DSE: variants seen among roughly 807,000 people sequenced by gnomAD.
DSE encodes dermatan sulfate epimerase.
Under a neutral mutation model 84.4 loss-of-function variants are expected in DSE, and 36 were observed. That is an observed-to-expected ratio of 0.43 (90% CI 0.33 to 0.56). The LOEUF is 0.56. DSE is among the 20% of genes least tolerant of loss of function. DSE has a pLI of 0.06. For synonymous variants in DSE, 410 were observed against 430.1 expected, an observed-to-expected ratio of 0.95 and a Z score of 0.58; for missense variants, 862 against 1,169.6, an observed-to-expected ratio of 0.74 and a Z score of 3.84.
chr6:116,270,958 G>T (rs1200104647), intron 2 of DSE, among the ~76,000 whole-genome samples: 1 of 152,156 alleles, frequency 6.6e-6, no homozygotes, highest in Admixed American at 6.5e-5. Context: ...TACAAAATGA[G>T]AGCATATATG....
At chr6:116,366,861 A>G (rs528430376), upstream of DSE, 2 of 152,364 alleles carry the variant, frequency 1.3e-5, no homozygotes, top group Admixed American at 6.5e-5. Flanking sequence ...GGAGACACGT[A>G]TGGACGTGCC....
intron 2 of DSE, among the ~76,000 whole-genome samples, chr6:116,335,662 A>G (rs1282759192): frequency 6.6e-6 from 1 of 152,248 alleles, no homozygotes; most frequent in Non-Finnish European, 1.5e-5. Context: ...ATTCTATGAA[A>G]CAGAAGTAGT....
At chr6:116,420,663 C>T (rs540604842) in intron 2 of DSE, among the ~76,000 whole-genome samples, 1 of 152,286 alleles carries the variant, frequency 6.6e-6, no homozygotes, top group Non-Finnish European at 1.5e-5. Context: ...TGGGCTAAGA[C>T]AACAGTATAC....
At chr6:116,403,839 G>A (rs1781753221) in intron 2 of DSE, among the ~76,000 whole-genome samples, 1 of 152,150 alleles carries the variant, frequency 6.6e-6, no homozygotes, top group Non-Finnish European at 1.5e-5. Context: ...TGCAGTGTAC[G>A]TATGATGAAT....
Position 116,433,076 on chromosome 6 carries a change from G to T in DSE, c.911-267G>T. 6.8e-6 allele frequency: 3 copies of T among 441,832 alleles called. 1 individual carries two copies. In the South Asian group the frequency reaches 7.3e-5, roughly 11 times the overall value. The allele number at this position is 441,832 out of a possible 1,614,324, so 27.4% of individuals were successfully genotyped here. On this transcript the variant is annotated intron_variant, in intron 4 of 5. Transcript: ENST00000644252. ...GCATGAACATTGGAAAATGAGGAAG[G>T]CAGGGAATAGGTGTAGCACTAATGT...
intron 1 of DSE, among the ~76,000 whole-genome samples, chr6:116,392,625 G>T (rs1375746366): frequency 1.3e-5 from 2 of 152,174 alleles, no homozygotes; most frequent in Non-Finnish European, 2.9e-5. Flanking sequence ...ATACCCCCAA[G>T]GACATCTGTG....
intron 2 of DSE, among the ~76,000 whole-genome samples, chr6:116,329,265 G>C (rs998255617): frequency 6.6e-6 from 1 of 152,186 alleles, no homozygotes; most frequent in Non-Finnish European, 1.5e-5. Context: ...TCACTCTGCT[G>C]TAATTGTTTA....
At chr6:116,317,918 C>T (rs1204027552) in intron 2 of DSE, among the ~76,000 whole-genome samples, 1 of 152,156 alleles carries the variant, frequency 6.6e-6, no homozygotes, top group Non-Finnish European at 1.5e-5. Context: ...GAATAATTGT[C>T]ATTTACTATT....
chr6:116,343,740 T>C (rs539600109), intron 2 of DSE, among the ~76,000 whole-genome samples: 1 of 152,350 alleles, frequency 6.6e-6, no homozygotes, highest in South Asian at 2.1e-4. Context: ...TCCAAAGGAA[T>C]GCAGTTCCTC....
intron 2 of DSE, among the ~76,000 whole-genome samples, chr6:116,403,557 G>T (rs1166713676): frequency 6.6e-6 from 1 of 152,044 alleles, no homozygotes; most frequent in African/African-American, 2.4e-5. Flanking sequence ...AAAAGAGGGG[G>T]GAAAGACTGG....
At chr6:116,409,463 T>G (rs1047280716) in intron 2 of DSE, among the ~76,000 whole-genome samples, 3 of 152,100 alleles carry the variant, frequency 2.0e-5, no homozygotes, top group African/African-American at 7.2e-5. Context: ...ATTTTTTTAG[T>G]AGAGACGGGG....
intron 2 of DSE, among the ~76,000 whole-genome samples, chr6:116,268,967 T>C (rs1025253958): frequency 2.0e-5 from 3 of 151,652 alleles, no homozygotes; most frequent in Non-Finnish European, 4.4e-5. Context: ...ACAAAAGTAA[T>C]ATTTTCTCAG....
At chr6:116,373,306 T>C (rs1779723158) in intron 1 of DSE, among the ~76,000 whole-genome samples, 1 of 152,196 alleles carries the variant, frequency 6.6e-6, no homozygotes, top group Admixed American at 6.5e-5. Flanking sequence ...GAGGTTGCAG[T>C]GAGCCGAGAT....
In DSE at chr6:116,371,112, G is replaced by T; in HGVS notation, c.-63G>T. ...CGACGCCGGAGAGAACGAAGCCTCG[G>T]CTGGGAGCGGTAAGTGGAGGGGCGC... On this transcript the variant is annotated 5_prime_UTR_variant, in exon 1 of 6. Transcript: ENST00000644252. 1.0e-6 allele frequency: 1 copy of T among 986,268 alleles called. No individual in the cohort carries two copies. Among genetic ancestry groups the T allele is most frequent in the Non-Finnish European group, 1.2e-6 (1 of 830,648 alleles). 61.1% of individuals were successfully genotyped at this position (986,268 alleles called of 1,614,324 possible).
At chr6:116,435,453 A>G in intron 5 of DSE, 134 bp from the exon 6 acceptor site, 1 of 832,426 alleles carries the variant, frequency 1.2e-6, no homozygotes. Flanking sequence ...GGATATTTTT[A>G]GAATTGTCCC....
At chr6:116,281,141 G>A (rs111922132) in intron 2 of DSE, among the ~76,000 whole-genome samples, 31 of 152,278 alleles carry the variant, frequency 2.0e-4, no homozygotes, top group African/African-American at 7.0e-4. Flanking sequence ...CGAAAGCACA[G>A]AGAGAGGGAA....
chr6:116,416,706 A>G (rs7755018), intron 2 of DSE, among the ~76,000 whole-genome samples: 99,855 of 151,656 alleles, frequency 0.66, 33,719 homozygotes, highest in Admixed American at 0.73. Context: ...CATCCTGGCT[A>G]TTCTTGCATG....
chr6:116,273,834 G>T (rs76511160), intron 2 of DSE, among the ~76,000 whole-genome samples: 170 of 136,898 alleles, frequency 1.2e-3, no homozygotes, highest in African/African-American at 2.3e-3. Context: ...ATGTTTTTTT[G>T]TTTTTTTTTT....
intron 1 of DSE, among the ~76,000 whole-genome samples, chr6:116,387,632 C>G (rs1780651575): frequency 6.6e-6 from 1 of 152,090 alleles, no homozygotes; most frequent in South Asian, 2.1e-4. Flanking sequence ...CACCTGAAGT[C>G]AAAAATAAAC....
Sources: gnomAD v4.1 joint callset for allele counts (sites outside exome capture counted in the v4.1 genomes callset) on GRCh38, gnomAD v4.1.1 for gene constraint, MANE v1.5 for transcripts, NCBI Gene and HGNC (gene_info 2026-07-23, HGNC 2026-07-21) for gene names.